The following PMFBP1 variants were observed in gnomAD, a reference collection of about 807,000 sequenced individuals.
The protein encoded by PMFBP1 is polyamine-modulated factor 1-binding protein 1.
Under a neutral mutation model 137.8 loss-of-function variants are expected in PMFBP1, and 131 were observed. The ratio of observed to expected loss-of-function variants is 0.95; its 90% CI spans 0.82 to 1.10. The LOEUF (loss-of-function observed/expected upper bound fraction) is 1.10, where lower values mean the gene tolerates loss of function less well. Among genes scored for constraint, PMFBP1 ranks in the 50% least tolerant of loss-of-function variants. The probability of loss-of-function intolerance (pLI) is 0.00; values close to 1 mark genes in which losing one functional copy is unlikely to be tolerated. For synonymous variants in PMFBP1, 490 were observed against 450.4 expected, an observed-to-expected ratio of 1.09 and a Z score of -1.11; for missense variants, 1,199 against 1,175.4, an observed-to-expected ratio of 1.02 and a Z score of -0.29.
At chr16:72,248,754 A>G in the PMFBP1 span, among the ~76,000 whole-genome samples, 3 of 152,162 alleles carry the variant, frequency 2.0e-5, no homozygotes, top group Non-Finnish European at 4.4e-5. Flanking sequence ...TAGGCGCCCA[A>G]TGAAGTTGAG....
chr16:72,204,050 C>T, the PMFBP1 span, among the ~76,000 whole-genome samples: 22 of 152,162 alleles, frequency 1.4e-4, no homozygotes, highest in Non-Finnish European at 2.2e-4. Context: ...TTTTCTTCCA[C>T]GTCTACGTTT....
At chr16:72,184,589 T>C in the PMFBP1 span, among the ~76,000 whole-genome samples, 1 of 152,204 alleles carries the variant, frequency 6.6e-6, no homozygotes, top group Non-Finnish European at 1.5e-5. Context: ...GGCACAGAGA[T>C]GTGAATAAAC....
At chr16:72,190,556 G>A in the PMFBP1 span, among the ~76,000 whole-genome samples, 1 of 152,170 alleles carries the variant, frequency 6.6e-6, no homozygotes, top group African/African-American at 2.4e-5. Flanking sequence ...GAAGAGGGGA[G>A]AGAGAGAAAA....
the PMFBP1 span, among the ~76,000 whole-genome samples, chr16:72,217,859 C>T: frequency 6.6e-6 from 1 of 151,996 alleles, no homozygotes; most frequent in African/African-American, 2.4e-5. Context: ...CAAAACAAAA[C>T]GTCCTAGAAA....
chr16:72,169,469 A>G (rs1306987523), intron 2 of PMFBP1, among the ~76,000 whole-genome samples: 2 of 152,188 alleles, frequency 1.3e-5, no homozygotes, highest in African/African-American at 4.8e-5. Flanking sequence ...GTACTTATAC[A>G]AGGTTTTGCC....
chr16:72,134,603 G>A (rs1035112264), intron 9 of PMFBP1, among the ~76,000 whole-genome samples: 1 of 152,182 alleles, frequency 6.6e-6, no homozygotes, highest in Non-Finnish European at 1.5e-5. Flanking sequence ...TCTGGTCCTA[G>A]GCTACCTGTC....
the PMFBP1 span, among the ~76,000 whole-genome samples, chr16:72,216,083 C>T: frequency 2.0e-5 from 3 of 152,198 alleles, no homozygotes; most frequent in East Asian, 5.8e-4. Context: ...GGATATACCC[C>T]TTCCAGGCCC....
At chr16:72,199,283 C>A in the PMFBP1 span, among the ~76,000 whole-genome samples, 1 of 48,154 alleles carries the variant, frequency 2.1e-5, no homozygotes, top group Non-Finnish European at 3.9e-5. Flanking sequence ...TTAAGAAGAC[C>A]TGCTTGAAGA....
Position 72,130,370 on chromosome 16 carries a change from A to C in PMFBP1, c.1638-13T>G. 1 of 1,614,152 alleles carries C rather than the reference A, an allele frequency of 6.2e-7. No individual in the cohort carries two copies. Among genetic ancestry groups the C allele is most frequent in the Non-Finnish European group, 8.5e-7 (1 of 1,179,992 alleles). ...CTCCACCCGTTTTCTAAAGCAAAAT[A>C]ACAGCCACAGGAGGACAGACTTCAG... On this transcript the variant is annotated splice_polypyrimidine_tract_variant and intron_variant, in intron 11 of 20. Transcript: ENST00000237353.
the PMFBP1 span, among the ~76,000 whole-genome samples, chr16:72,198,540 A>G: frequency 1.3e-5 from 2 of 151,972 alleles, no homozygotes; most frequent in South Asian, 4.2e-4. Flanking sequence ...TCCTTTCCGA[A>G]TGGCTGCACG....
At chr16:72,227,309 A>T in the PMFBP1 span, among the ~76,000 whole-genome samples, 2 of 152,206 alleles carry the variant, frequency 1.3e-5, no homozygotes, top group Non-Finnish European at 2.9e-5. Context: ...CTTCCTCTTG[A>T]GTCTAGGGTG....
chr16:72,122,537 A>C (rs2042390931), intron 19 of PMFBP1, among the ~76,000 whole-genome samples: 1 of 152,230 alleles, frequency 6.6e-6, no homozygotes, highest in Admixed American at 6.5e-5. Context: ...TGATGATTTC[A>C]TGAAGAGATG....
At chr16:72,247,063 C>T in the PMFBP1 span, among the ~76,000 whole-genome samples, 3 of 152,116 alleles carry the variant, frequency 2.0e-5, no homozygotes, top group African/African-American at 7.2e-5. Flanking sequence ...TTTACCTGTC[C>T]GATGAAGAGG....
At chr16:72,219,846 G>T in the PMFBP1 span, among the ~76,000 whole-genome samples, 1 of 152,196 alleles carries the variant, frequency 6.6e-6, no homozygotes, top group Admixed American at 6.5e-5. Flanking sequence ...ACACACATTT[G>T]CTTAGACTCT....
At chr16:72,189,254 A>G in the PMFBP1 span, among the ~76,000 whole-genome samples, 1 of 152,194 alleles carries the variant, frequency 6.6e-6, no homozygotes, top group Non-Finnish European at 1.5e-5. Context: ...CAGCTCATCA[A>G]TGCAGAACCA....
At chr16:72,134,413 G>A (rs1183308711) in intron 9 of PMFBP1, among the ~76,000 whole-genome samples, 1 of 152,080 alleles carries the variant, frequency 6.6e-6, no homozygotes, top group Non-Finnish European at 1.5e-5. Context: ...CAGACTCCTG[G>A]GCTCAAGTGA....
At chr16:72,190,348 C>T in the PMFBP1 span, among the ~76,000 whole-genome samples, 1 of 152,158 alleles carries the variant, frequency 6.6e-6, no homozygotes, top group African/African-American at 2.4e-5. Flanking sequence ...GGACAGCCAG[C>T]TCGTGAAGCT....
Position 72,169,387 on chromosome 16 carries a change from T to G in PMFBP1, c.12+1810A>C, listed in dbSNP as rs187052736. On this transcript the variant is annotated intron_variant, in intron 2 of 20. Coordinates refer to ENST00000237353, the MANE Select transcript of PMFBP1 (RefSeq NM_031293.3). ...AACACTATTATTGATATTACTGACT[T>G]GATTCCCAAGTTGACTTTTCCATTT... Among the ~76,000 whole-genome samples, 57 of 152,222 alleles carry G rather than the reference T, an allele frequency of 3.7e-4. 1 individual carries two copies. Among genetic ancestry groups the G allele is most frequent in the Non-Finnish European group, 2.9e-5 (2 of 68,034 alleles).
chr16:72,213,184 T>G, the PMFBP1 span, among the ~76,000 whole-genome samples: 3 of 132,472 alleles, frequency 2.3e-5, no homozygotes, highest in Non-Finnish European at 4.8e-5. Context: ...TGGTCCAGAT[T>G]ACAGCAAGAG....
Sources: allele counts gnomAD v4.1 joint callset (sites outside exome capture counted in the v4.1 genomes callset), GRCh38; gene constraint gnomAD v4.1.1; transcripts MANE v1.5; gene names NCBI Gene and HGNC (gene_info 2026-07-23, HGNC 2026-07-21).